Variants in RBPJL observed in about 807,000 individuals in gnomAD.
The protein encoded by RBPJL is recombination signal binding protein for immunoglobulin kappa J region like, also known as recombining binding protein suppressor of hairless-like protein.
In RBPJL, 50 loss-of-function variants were observed where a neutral mutation model predicts 57.6. The observed-to-expected ratio is 0.87, with a 90% CI of 0.69 to 1.10. The LOEUF (loss-of-function observed/expected upper bound fraction) is 1.10. Among genes scored for constraint, RBPJL ranks in the 50% least tolerant of loss-of-function variants. RBPJL has a pLI of 0.00. For synonymous variants in RBPJL, 303 were observed against 294.4 expected (o/e 1.03, Z -0.30); for missense variants, 684 against 693.7 (o/e 0.99, Z 0.16).
Position 45,310,871 on chromosome 20 carries a change from G to A in RBPJL, c.258-718G>A, listed in dbSNP as rs571859982. Among the ~76,000 whole-genome samples, 16 of 152,192 alleles carry A rather than the reference G, an allele frequency of 1.1e-4. No individual in the cohort carries two copies. In the East Asian group the frequency reaches 2.7e-3, roughly 26 times the overall value. ...CTCATCCCTGTAATCCCAGCACTTCGGCAGACCCAGGTGGGCAGATTGCTT... is the reference window on the plus strand; with the variant it reads ...CTCATCCCTGTAATCCCAGCACTTCAGCAGACCCAGGTGGGCAGATTGCTT... On this transcript the variant is annotated intron_variant, in intron 3 of 11. Transcript: ENST00000343694.
Position 45,308,219 on chromosome 20 carries a change from C to CGACA in RBPJL, c.101_104dup (p.Arg36GlnfsTer32). On this transcript the variant is annotated frameshift_variant, in exon 2 of 12. Transcript: ENST00000343694. LOFTEE classifies it high-confidence loss of function. The stretch of plus-strand genomic sequence containing the variant: ...CAGAGATGCAGCTGCAGAGCGAAGC[C>CGACA]GACAGGCGGAGCCTCCCGGGCACTT... The CGACA allele has an allele frequency of 6.2e-7, 1 of 1,613,996 alleles. No homozygotes were observed. The highest frequency in any genetic ancestry group is 1.7e-4 in the Middle Eastern group (1 of 6,054).
intron 2 of RBPJL, 46 bp from the exon 3 acceptor site, chr20:45,309,521 C>A (rs1335153639): frequency 6.3e-7 from 1 of 1,577,392 alleles, no homozygotes; most frequent in Non-Finnish European, 8.6e-7. Flanking sequence ...GCCACCTTGA[C>A]CCTTCTCCCT....
rs759788863 is a variant in RBPJL at position 45,309,678 on chromosome 20, C to T, written c.243C>T (p.Tyr81=). ...ATGCCAAGGTGGCCCAGAAATCATA[C>T]GGAAATGAGAAGCGGTAGGTGCCTC... ...ILHAKVAQKS[Y]GNEKRFFCPP... is the part of the protein sequence containing the mutation. The change falls in exon 3 of 12, where the codon TAC becomes TAT. Residue 81 remains tyrosine (Y), a synonymous_variant. Coordinates refer to ENST00000343694, the MANE Select transcript of RBPJL (RefSeq NM_014276.4). The T allele has an allele frequency of 1.7e-5, 27 of 1,613,442 alleles. No individual in the cohort carries two copies. Among genetic ancestry groups the T allele is most frequent in the Middle Eastern group, 3.3e-4 (2 of 6,080 alleles).
chr20:45,307,838 T>C (rs936552001), intron 1 of RBPJL, among the ~76,000 whole-genome samples: 1 of 152,000 alleles, frequency 6.6e-6, no homozygotes, highest in African/African-American at 2.4e-5. Context: ...GAGGAGTTAA[T>C]CCTTGCATTA....
At chr20:45,308,510 G>A (rs1261270218) in intron 2 of RBPJL, 1 of 517,268 alleles carries the variant, frequency 1.9e-6, no homozygotes, top group Non-Finnish European at 3.5e-6. Flanking sequence ...GGAGACTGGG[G>A]AGACCGGGGC....
Position 45,313,578 on chromosome 20 carries a change from CAG to C in RBPJL, c.731_732del (p.Gln244LeufsTer10). On this transcript the variant is annotated frameshift_variant, in exon 7 of 12. Coordinates refer to ENST00000343694, the MANE Select transcript of RBPJL (RefSeq NM_014276.4). LOFTEE classifies it high-confidence loss of function. ...EDGAFVASAR[Q>X]WAAFTLHLAD... ...TGGGGCCTTTGTGGCCAGTGCACGACAGTGGGCTGCCTTCACGCTCCACCTGG... is the reference window on the plus strand; with the variant it reads ...TGGGGCCTTTGTGGCCAGTGCACGACTGGGCTGCCTTCACGCTCCACCTGG... The C allele has an allele frequency of 6.2e-7, 1 of 1,612,642 alleles. No individual in the cohort carries two copies. The highest frequency in any genetic ancestry group is 1.1e-5 in the South Asian group (1 of 90,896).
Position 45,313,625 on chromosome 20 carries a change from C to G in RBPJL, c.757+20C>G. 6.3e-7 allele frequency: 1 copy of G among 1,587,132 alleles called. No homozygotes were observed. ...ACCTGGGTAATGACATCTGCAGGCC[C>G]TGGAGCTGGGCACTTCACATGCATT... On this transcript the variant is annotated intron_variant, in intron 7 of 11. Coordinates refer to ENST00000343694, the MANE Select transcript of RBPJL (RefSeq NM_014276.4).
chr20:45,313,891 C>G, intron 7 of RBPJL, 144 bp from the exon 8 acceptor site: 1 of 721,476 alleles, frequency 1.4e-6, no homozygotes. Flanking sequence ...AGAATTAGAA[C>G]CTTCAGTTGG....
chr20:45,314,089 A>T lies in RBPJL; in HGVS notation c.812A>T (p.Tyr271Phe), dbSNP rs770731391. The T allele has an allele frequency of 1.2e-6, 2 of 1,614,210 alleles. No homozygotes were observed. Among genetic ancestry groups the T allele is most frequent in the East Asian group, 4.5e-5 (2 of 44,880 alleles). ...CCACCGCGAGAGGGCTACGTTCGCT[A>T]TGGCTCCCTGGTGCAGCTCGTCTGC... ...DFPPREGYVR[Y>F]GSLVQLVCTV... Residue 271 changes from tyrosine (Y) to phenylalanine (F), a missense_variant, in exon 8 of 12, where the codon TAT (tyrosine) becomes TTT (phenylalanine). Physicochemically the swap from Tyr to Phe is conservative, Grantham distance 22 (BLOSUM62 3). Transcript: ENST00000343694.
In RBPJL at chr20:45,312,354, C is replaced by T. The variant is rs762532634; in HGVS notation, c.578C>T (p.Ser193Leu). 2.7e-5 allele frequency: 44 copies of T among 1,614,022 alleles called. No homozygotes were observed. Among genetic ancestry groups the T allele is most frequent in the Non-Finnish European group, 3.5e-5 (41 of 1,180,038 alleles). ...TFHSRLIKVISKPSQKKQSLK... is the reference protein window; with the variant it reads ...TFHSRLIKVILKPSQKKQSLK... ...CACAGCCGCCTTATCAAGGTCATCT[C>T]GAAGCCCTCGCAGAAGAAGCAGTCG... Residue 193 changes from serine (S) to leucine (L), a missense_variant, in exon 6 of 12, where the codon TCG becomes TTG. Coordinates refer to ENST00000343694, the MANE Select transcript of RBPJL (RefSeq NM_014276.4).
At chr20:45,307,093 C>A in intron 1 of RBPJL, 149 bp downstream of exon 1, 1 of 461,716 alleles carries the variant, frequency 2.2e-6, no homozygotes, top group Non-Finnish European at 3.6e-6. Flanking sequence ...GAACCTAGGG[C>A]TCCTGGTTCC....
In RBPJL at chr20:45,314,056, G is replaced by T; in HGVS notation, c.779G>T (p.Gly260Val). The change falls in exon 8 of 12, where the codon GGA becomes GTA. Residue 260 changes from glycine (G) to valine (V), a missense_variant. Transcript: ENST00000343694. Reference sequence around the variant, plus strand: ...CCAGCTGATGGGCACTCTGCCCAAGGAGACTTCCCACCGCGAGAGGGCTAC... The same window carrying T: ...CCAGCTGATGGGCACTCTGCCCAAGTAGACTTCCCACCGCGAGAGGGCTAC... Reference protein sequence around the residue: ...LHLADGHSAQGDFPPREGYVR... With the variant: ...LHLADGHSAQVDFPPREGYVR... 6.2e-7 allele frequency: 1 copy of T among 1,614,106 alleles called. No homozygotes were observed. The highest frequency in any genetic ancestry group is 8.5e-7 in the Non-Finnish European group (1 of 1,179,918).
rs951578010 is a variant in RBPJL, at chr20:45,314,117, G to C, written c.840G>C (p.Thr280=). The C allele has an allele frequency of 6.2e-7, 1 of 1,614,016 alleles. No homozygotes were observed. The highest frequency in any genetic ancestry group is 2.2e-5 in the East Asian group (1 of 44,884). ...RYGSLVQLVC[T]VTGITLPPMI... is the part of the protein sequence containing the mutation. ...GCTCCCTGGTGCAGCTCGTCTGCAC[G>C]GTCACCGGCATCACACTACCTCCCA... The change falls in exon 8 of 12, where the codon ACG becomes ACC. Residue 280 remains threonine, a synonymous_variant. Coordinates refer to ENST00000343694, the MANE Select transcript of RBPJL (RefSeq NM_014276.4).
chr20:45,312,488 G>C, intron 6 of RBPJL, 93 bp downstream of exon 6: 1 of 1,282,958 alleles, frequency 7.8e-7, no homozygotes, highest in Non-Finnish European at 1.1e-6. Flanking sequence ...GGGGTAGGCT[G>C]GGCTTAGGGG....
intron 1 of RBPJL, among the ~76,000 whole-genome samples, chr20:45,307,629 T>C (rs1986846101): frequency 6.6e-6 from 1 of 152,226 alleles, no homozygotes; most frequent in South Asian, 2.1e-4. Flanking sequence ...ATTCTTGGTC[T>C]GAGCCAACTT....
In RBPJL at chr20:45,316,554, G is replaced by A. The variant is rs1260644086; in HGVS notation, c.1254G>A (p.Gly418=). Residue 418 remains glycine, a synonymous_variant, in exon 11 of 12, where the codon GGG becomes GGA. Coordinates refer to ENST00000343694, the MANE Select transcript of RBPJL (RefSeq NM_014276.4). ...ACGCGGGGCTCAAGGTGTGGTTTGG[G>A]GACGTGGAGGCAGAAACCATGTACA... ...NFHAGLKVWF[G]DVEAETMYRS... is the part of the protein sequence containing the mutation. 1 of 1,535,734 alleles carries A rather than the reference G, an allele frequency of 6.5e-7. No individual in the cohort carries two copies. Among genetic ancestry groups the A allele is most frequent in the Non-Finnish European group, 8.8e-7 (1 of 1,141,970 alleles).
chr20:45,314,257 C>G (rs1568894084), intron 8 of RBPJL, 113 bp downstream of exon 8: 1 of 1,227,762 alleles, frequency 8.1e-7, no homozygotes, highest in Non-Finnish European at 1.2e-6. Context: ...CACCTGTTCT[C>G]ACCCAGTGTC....
intron 3 of RBPJL, among the ~76,000 whole-genome samples, chr20:45,311,249 A>G (rs1272771453): frequency 6.6e-6 from 1 of 152,164 alleles, no homozygotes; most frequent in South Asian, 2.1e-4. Flanking sequence ...AGGAGATAGA[A>G]ACAGAACTTT....
In RBPJL at chr20:45,316,745, G is replaced by A. The variant is rs141678702; in HGVS notation, c.1340G>A (p.Arg447His). The change falls in exon 12 of 12, where the codon CGC becomes CAC. Residue 447 changes from arginine to histidine, a missense_variant. Coordinates refer to ENST00000343694, the MANE Select transcript of RBPJL (RefSeq NM_014276.4). The stretch of plus-strand genomic sequence containing the variant: ...GTGGCGGCCTTCTGCAGCGACTGGC[G>A]CTGGCTGCGCGCTCCCATCACAATC... ...PDVAAFCSDW[R>H]WLRAPITIPM... is the part of the protein sequence containing the mutation. 5 of 1,613,326 alleles carry A rather than the reference G, an allele frequency of 3.1e-6. No homozygotes were observed. Among genetic ancestry groups the A allele is most frequent in the Non-Finnish European group, 4.2e-6 (5 of 1,179,710 alleles).
Sources: gnomAD v4.1 joint callset for allele counts (sites outside exome capture counted in the v4.1 genomes callset) on GRCh38, gnomAD v4.1.1 for gene constraint, MANE v1.5 for transcripts, NCBI Gene and HGNC (gene_info 2026-07-23, HGNC 2026-07-21) for gene names.